Variants in PPEF2 observed in about 807,000 individuals in gnomAD.
PPEF2 encodes the protein serine/threonine-protein phosphatase with EF-hands 2.
Under a neutral mutation model 84.7 loss-of-function variants are expected in PPEF2, and 84 were observed. That is an observed-to-expected ratio of 0.99 (90% CI 0.83 to 1.19). The LOEUF is 1.19. Ranked by LOEUF, PPEF2 falls within the 50% of genes most tolerant of loss-of-function variation. The pLI is 0.00. For synonymous variants in PPEF2, 346 were observed against 345.2 expected (o/e 1.00, Z -0.03); for missense variants, 924 against 937.5 (o/e 0.99, Z 0.19).
rs770711028 is a variant in PPEF2, at chr4:75,883,056, A to C, written c.803T>G (p.Leu268Arg). The change falls in exon 10 of 17, where the codon CTA becomes CGA. Residue 268 changes from leucine (L) to arginine (R), a missense_variant. Leu to Arg is a moderately radical substitution (Grantham distance 102). Coordinates refer to ENST00000286719, the MANE Select transcript of PPEF2 (RefSeq NM_006239.3). ...ACAGAAAACATCTTGCAGGGTTCTT[A>C]GTATTTCCTTCCCGTGTACCTGGAA... ...NKYKVHGKEI[L>R]RTLQDVFCWL... is the part of the protein sequence containing the mutation. The C allele has an allele frequency of 2.5e-6, 4 of 1,614,126 alleles. No individual in the cohort carries two copies. In the Admixed American group the frequency reaches 6.7e-5, roughly 27 times the overall value.
rs776230192 is a variant in PPEF2, at chr4:75,888,252, C to T, written c.494G>A (p.Arg165Gln). The T allele has an allele frequency of 1.2e-5, 19 of 1,613,952 alleles. No individual in the cohort carries two copies. The highest frequency in any genetic ancestry group is 1.6e-4 in the Middle Eastern group (1 of 6,062). The change falls in exon 6 of 17, where the codon CGG becomes CAG. Residue 165 changes from arginine to glutamine, a missense_variant. Coordinates refer to ENST00000286719, the MANE Select transcript of PPEF2 (RefSeq NM_006239.3). Reference protein sequence around the residue: ...KHLVQLPNINRVSTCYSEEIT... With the variant: ...KHLVQLPNINQVSTCYSEEIT... ...CTCCTCACTGTAACAGGTTGAGACC[C>T]GGTTGATGTTTGGCAGCTGTACCAG...
Position 75,896,383 on chromosome 4 carries a change from G to T in PPEF2, c.-58C>A. On this transcript the variant is annotated splice_region_variant and 5_prime_UTR_variant, in exon 2 of 17. Coordinates refer to ENST00000286719, the MANE Select transcript of PPEF2 (RefSeq NM_006239.3). ...AGATCCAGAGGACAGTGAGCTGTTT[G>T]CTGACAAAATGAAGAGAGAATCTGT... 4 of 1,573,754 alleles carry T rather than the reference G, an allele frequency of 2.5e-6. No individual in the cohort carries two copies. The highest frequency in any genetic ancestry group is 2.7e-5 in the African/African-American group (2 of 74,148).
At chr4:75,897,857 G>A (rs548738363) in intron 1 of PPEF2, among the ~76,000 whole-genome samples, 11 of 152,266 alleles carry the variant, frequency 7.2e-5, no homozygotes, top group African/African-American at 1.9e-4. Context: ...CTAACCCAGC[G>A]GTGCTAGAGG....
At chr4:75,881,790 A>C (rs1724580252) in intron 10 of PPEF2, 1 of 152,194 alleles carries the variant, frequency 6.6e-6, no homozygotes, top group African/African-American at 2.4e-5. Context: ...ATTTCAGCCA[A>C]CAATTGCCTA....
intron 8 of PPEF2, 120 bp from the exon 9 acceptor site, chr4:75,883,322 C>G: frequency 1.1e-6 from 1 of 890,732 alleles, no homozygotes; most frequent in Non-Finnish European, 1.8e-6. Context: ...AGAAAAGAGA[C>G]TGAGGAATAA....
intron 10 of PPEF2, among the ~76,000 whole-genome samples, chr4:75,881,155 A>G (rs1406412528): frequency 6.9e-6 from 1 of 145,504 alleles, no homozygotes; most frequent in Non-Finnish European, 1.5e-5. Context: ...GCTGGAGTGC[A>G]GTGGCACGAT....
In PPEF2 at chr4:75,876,823, T is replaced by A. The variant is rs1578006272; in HGVS notation, c.934-150A>T. On this transcript the variant is annotated intron_variant, in intron 10 of 16. Transcript: ENST00000286719. ...GAGTTCAAGACCAGCTTGAGCAACA[T>A]GGCAAGACCGTGTCTCTACAAAAAA... The A allele has an allele frequency of 6.4e-6, 5 of 782,126 alleles. No homozygotes were observed. The South Asian group carries it at 1.6e-4, about 24-fold the overall frequency. The allele number at this position is 782,126 out of a possible 1,614,324, so 48.4% of individuals were successfully genotyped here.
Position 75,873,114 on chromosome 4 carries a change from A to G in PPEF2, c.1506+13T>C. The G allele has an allele frequency of 6.2e-7, 1 of 1,609,672 alleles. No homozygotes were observed. ...GACACACAAGCCTGTACTGCTGCAG[A>G]GGGAGCACCCACCTTGCGGTTGTGA... On this transcript the variant is annotated intron_variant, in intron 12 of 16. Coordinates refer to ENST00000286719, the MANE Select transcript of PPEF2 (RefSeq NM_006239.3).
intron 14 of PPEF2, chr4:75,866,656 A>T (rs1169639579): frequency 2.7e-6 from 1 of 377,214 alleles, no homozygotes; most frequent in Non-Finnish European, 5.0e-6. Context: ...GGCATTTTAC[A>T]TTTTTGTTTA....
Position 75,891,938 on chromosome 4 carries a change from G to A in PPEF2, c.96C>T (p.Arg32=), listed in dbSNP as rs1235064805. 3.1e-6 allele frequency: 5 copies of A among 1,613,984 alleles called. No homozygotes were observed. Among genetic ancestry groups the A allele is most frequent in the Admixed American group, 1.7e-5 (1 of 60,006 alleles). The change falls in exon 3 of 17, where the codon CGC becomes CGT. Residue 32 remains arginine (R), a synonymous_variant. Transcript: ENST00000286719. ...AAALIQRWYR[R]YVARLEMRRR... ...GCCTCATCTCCAGGCGGGCCACGTAGCGCCGGTACCATCTCTGGATCAGGG... is the reference window on the plus strand; with the variant it reads ...GCCTCATCTCCAGGCGGGCCACGTAACGCCGGTACCATCTCTGGATCAGGG...
At chr4:75,889,519 A>C (rs76836255) in intron 5 of PPEF2, among the ~76,000 whole-genome samples, 2,984 of 152,306 alleles carry the variant, frequency 0.02, 87 homozygotes, top group African/African-American at 0.066. Context: ...TCTTCCATCC[A>C]TAACTTAGTT....
chr4:75,879,933 AT>A (rs572870547), intron 10 of PPEF2, among the ~76,000 whole-genome samples: 69 of 151,974 alleles, frequency 4.5e-4, no homozygotes, highest in African/African-American at 1.7e-3. Context: ...GATTCAAGCA[AT>A]TCTCCTGCCT....
intron 1 of PPEF2, among the ~76,000 whole-genome samples, chr4:75,896,872 C>CCTTT (rs752457303): frequency 2.0e-5 from 3 of 148,908 alleles, no homozygotes; most frequent in African/African-American, 7.4e-5. Flanking sequence ...ATAGGCCACA[C>CCTTT]CTTTCTTTCT....
Position 75,896,353 on chromosome 4 carries a change from G to A in PPEF2, c.-28C>T, listed in dbSNP as rs140985666. 180 of 1,611,792 alleles carry A rather than the reference G, an allele frequency of 1.1e-4. No individual in the cohort carries two copies. The African/African-American group carries it at 1.9e-3, about 17-fold the overall frequency. On this transcript the variant is annotated 5_prime_UTR_variant, in exon 2 of 17. Transcript: ENST00000286719. The stretch of plus-strand genomic sequence containing the variant: ...TTTAAGCGCAATGCTCCTGCAGGAC[G>A]CAGCAGATCCAGAGGACAGTGAGCT...
At chr4:75,893,744 T>G (rs542756023) in intron 2 of PPEF2, among the ~76,000 whole-genome samples, 1 of 152,334 alleles carries the variant, frequency 6.6e-6, no homozygotes, top group African/African-American at 2.4e-5. Flanking sequence ...TGTTGTCTGC[T>G]AACACCTTGC....
At chr4:75,861,947 A>G (rs563645019) in intron 16 of PPEF2, among the ~76,000 whole-genome samples, 15 of 151,676 alleles carry the variant, frequency 9.9e-5, no homozygotes, top group African/African-American at 3.6e-4. Flanking sequence ...CTATAACACC[A>G]AAAGCATAAA....
chr4:75,866,090 CT>C, intron 15 of PPEF2, 98 bp downstream of exon 15: 3 of 1,328,756 alleles, frequency 2.3e-6, no homozygotes, highest in Non-Finnish European at 3.1e-6. Flanking sequence ...ACCCATCCAG[CT>C]TTTTGGGTTA....
chr4:75,893,759 A>G (rs1724945631), intron 2 of PPEF2, among the ~76,000 whole-genome samples: 1 of 152,212 alleles, frequency 6.6e-6, no homozygotes, highest in Non-Finnish European at 1.5e-5. Context: ...CCTTGCCCTG[A>G]GCATTCTATG....
chr4:75,867,570 T>C, intron 13 of PPEF2, 151 bp from the exon 14 acceptor site: 1 of 584,252 alleles, frequency 1.7e-6, no homozygotes, highest in East Asian at 2.9e-5. Context: ...TTCCCTGTTG[T>C]ACACAAACAG....
Sources: allele counts gnomAD v4.1 joint callset (sites outside exome capture counted in the v4.1 genomes callset), GRCh38; gene constraint gnomAD v4.1.1; transcripts MANE v1.5; gene names NCBI Gene and HGNC (gene_info 2026-07-23, HGNC 2026-07-21).